Variants in CPNE5 observed in about 807,000 individuals in gnomAD.
CPNE5 encodes the protein copine-5.
In CPNE5, 42 loss-of-function variants were observed where a neutral mutation model predicts 81.1. The observed-to-expected ratio is 0.52, with a 90% CI of 0.40 to 0.67. The LOEUF (loss-of-function observed/expected upper bound fraction) is 0.67. CPNE5 is among the 30% of genes least tolerant of loss of function. CPNE5 has a pLI of 0.00. For missense variants in CPNE5, 612 were observed against 815.5 expected (o/e 0.75, Z 3.04); for synonymous variants, 313 against 321.5 (o/e 0.97, Z 0.28).
At chr6:36,764,817 G>A (rs1282966119) in intron 11 of CPNE5, among the ~76,000 whole-genome samples, 1 of 152,138 alleles carries the variant, frequency 6.6e-6, no homozygotes, top group Non-Finnish European at 1.5e-5. Context: ...TCTGCAAACA[G>A]CTCCTCTGAT....
intron 14 of CPNE5, 124 bp downstream of exon 14, chr6:36,752,910 C>A: frequency 1.3e-6 from 1 of 741,476 alleles, no homozygotes; most frequent in Non-Finnish European, 2.3e-6. Flanking sequence ...TGCTCAGAGC[C>A]CAGCACCACA....
intron 3 of CPNE5, among the ~76,000 whole-genome samples, chr6:36,807,834 T>C (rs1770735618): frequency 1.3e-5 from 2 of 152,122 alleles, no homozygotes; most frequent in Non-Finnish European, 2.9e-5. Flanking sequence ...CCAGGGTCCT[T>C]AGTACCCCAG....
intron 9 of CPNE5, among the ~76,000 whole-genome samples, chr6:36,775,593 C>T (rs377649235): frequency 1.3e-5 from 2 of 152,224 alleles, no homozygotes; most frequent in East Asian, 1.9e-4. Flanking sequence ...TTGTGACTCA[C>T]TCCTCACTAC....
intron 16 of CPNE5, 95 bp from the exon 17 acceptor site, chr6:36,745,610 C>T (rs1764067855): frequency 1.4e-6 from 2 of 1,385,106 alleles, no homozygotes; most frequent in Non-Finnish European, 2.0e-6. Flanking sequence ...GCCAGCAGGC[C>T]TGGGCTCCCC....
At chr6:36,797,929 C>G (rs1164229717) in intron 6 of CPNE5, among the ~76,000 whole-genome samples, 2 of 152,130 alleles carry the variant, frequency 1.3e-5, no homozygotes, top group East Asian at 1.9e-4. Flanking sequence ...GGTGTCTAGT[C>G]TATTTCCTCC....
Position 36,746,662 on chromosome 6 carries a change from G to A in CPNE5, c.1019-85C>T. On this transcript the variant is annotated intron_variant, in intron 15 of 20. Coordinates refer to ENST00000244751, the MANE Select transcript of CPNE5 (RefSeq NM_020939.2). The surrounding 1 kb of genome is among the most constrained non-coding windows in gnomAD (Gnocchi z 4.5). The stretch of plus-strand genomic sequence containing the variant: ...AGAATGAAGAAGGGGGTGTCCAAGG[G>A]CACCCCTAACTTTTATTAATTCTTG... 4.0e-6 allele frequency: 5 copies of A among 1,235,088 alleles called. No homozygotes were observed. Among genetic ancestry groups the A allele is most frequent in the Non-Finnish European group, 5.7e-6 (5 of 879,346 alleles). The allele number at this position is 1,235,088 out of a possible 1,614,324, so 76.5% of individuals were successfully genotyped here.
At chr6:36,836,920 G>A (rs755102576) in intron 1 of CPNE5, among the ~76,000 whole-genome samples, 8 of 151,970 alleles carry the variant, frequency 5.3e-5, no homozygotes, top group Non-Finnish European at 8.8e-5. Flanking sequence ...CCCCACCTCT[G>A]GCTTTCTGGA....
At chr6:36,822,301 G>C (rs561441424) in intron 2 of CPNE5, 141 bp from the exon 3 acceptor site, 11 of 565,544 alleles carry the variant, frequency 1.9e-5, no homozygotes, top group African/African-American at 1.9e-4. Context: ...GGGGTAGAGG[G>C]TGTCTCCTGG....
In CPNE5 at chr6:36,768,228, T is replaced by TTTTTC. The variant is rs1345522016; in HGVS notation, c.738-2853_738-2852insGAAAA. On this transcript the variant is annotated intron_variant, in intron 10 of 20. Transcript: ENST00000244751. ...TTTGACTACTCTATTCACAGTTCTT[T>TTTTTC]TTTTTTTTTTTTTTTTTTTTTTTTG... 1.1e-3 allele frequency among the ~76,000 whole-genome samples: 69 copies of TTTTTC among 64,218 alleles called. 15 individuals are homozygous for TTTTTC. The highest frequency in any genetic ancestry group is 2.1e-3 in the Non-Finnish European group (62 of 29,624). 42.1% of individuals were successfully genotyped at this position (64,218 alleles called of 152,430 possible). A position where few individuals can be genotyped will look rare whatever the true frequency, so the allele number is the denominator to read the frequency against.
chr6:36,756,124 A>T, intron 13 of CPNE5, 121 bp downstream of exon 13: 4 of 408,154 alleles, frequency 9.8e-6, no homozygotes, highest in Middle Eastern at 5.5e-4. Flanking sequence ...TCTCTCTTGG[A>T]TGTCTGATTC....
chr6:36,821,446 G>A (rs558101265), intron 3 of CPNE5, among the ~76,000 whole-genome samples: 2 of 152,174 alleles, frequency 1.3e-5, no homozygotes, highest in South Asian at 4.1e-4. Context: ...GGAATAGAGT[G>A]AGGGTGTCTA....
intron 9 of CPNE5, among the ~76,000 whole-genome samples, chr6:36,777,562 T>C (rs912569451): frequency 2.0e-5 from 3 of 152,120 alleles, no homozygotes; most frequent in Non-Finnish European, 4.4e-5. Context: ...CTCCCCAATA[T>C]GAAGTCAAGT....
intron 8 of CPNE5, among the ~76,000 whole-genome samples, chr6:36,781,264 G>T (rs543531698): frequency 6.6e-6 from 1 of 152,252 alleles, no homozygotes; most frequent in South Asian, 2.1e-4. Flanking sequence ...GGCCCTAGAA[G>T]CTCCAAGAAT....
chr6:36,798,632 T>C lies in CPNE5; in HGVS notation c.288-138A>G. On this transcript the variant is annotated intron_variant, in intron 4 of 20. Transcript: ENST00000244751. ...AGTGAATATTTCTAGGAGTAATGGT[T>C]GGAAGACATGACAGGGAGCCTTCTG... is the stretch of plus-strand genomic sequence containing the variant. The C allele has an allele frequency of 4.1e-6, 3 of 727,000 alleles. No individual in the cohort carries two copies. In the South Asian group the frequency reaches 4.8e-5, roughly 12 times the overall value. 45.0% of individuals were successfully genotyped at this position (727,000 alleles called of 1,614,324 possible).
Position 36,767,054 on chromosome 6 carries a change from C to T in CPNE5, c.738-1678G>A, listed in dbSNP as rs185407101. Among the ~76,000 whole-genome samples, 451 of 152,298 alleles carry T rather than the reference C, an allele frequency of 3.0e-3. 1 individual carries two copies. Among genetic ancestry groups the T allele is most frequent in the African/African-American group, 0.01 (424 of 41,554 alleles). ...TATTTTTAGTAGAGATGGGGTTTCACCATGTTGGCCAGGCTGGCCTCGAAC... is the reference window on the plus strand; with the variant it reads ...TATTTTTAGTAGAGATGGGGTTTCATCATGTTGGCCAGGCTGGCCTCGAAC... On this transcript the variant is annotated intron_variant, in intron 10 of 20. Transcript: ENST00000244751.
Position 36,838,923 on chromosome 6 carries a change from G to A in CPNE5, c.95+360C>T, listed in dbSNP as rs573039270. ...GGGATGGGGGCAAATCACTCACTTCGTGATTTGGGGATGGGGTGATCAGAG... is the reference window on the plus strand; with the variant it reads ...GGGATGGGGGCAAATCACTCACTTCATGATTTGGGGATGGGGTGATCAGAG... On this transcript the variant is annotated intron_variant, in intron 1 of 20. Coordinates refer to ENST00000244751, the MANE Select transcript of CPNE5 (RefSeq NM_020939.2). 272 of 161,182 alleles carry A rather than the reference G, an allele frequency of 1.7e-3. 2 individuals are homozygous for A. The highest frequency in any genetic ancestry group is 1.5e-3 in the Non-Finnish European group (114 of 76,246). 10.0% of individuals were successfully genotyped at this position (161,182 alleles called of 1,614,324 possible). A position where few individuals can be genotyped will look rare whatever the true frequency, so the allele number is the denominator to read the frequency against.
At chr6:36,751,892 G>T (rs1234781595) in intron 14 of CPNE5, among the ~76,000 whole-genome samples, 2 of 152,152 alleles carry the variant, frequency 1.3e-5, no homozygotes, top group East Asian at 3.8e-4. Flanking sequence ...GACTGTAAGG[G>T]GTGGCTGATT....
rs765487335 is a variant in CPNE5, at chr6:36,765,344, C to T, written c.770G>A (p.Arg257Gln). Residue 257 changes from arginine (R) to glutamine (Q), a missense_variant, in exon 11 of 21, where the codon CGG becomes CAG. By Grantham distance (43) the Arg-to-Gln change is conservative. Coordinates refer to ENST00000244751, the MANE Select transcript of CPNE5 (RefSeq NM_020939.2). ...CCTCCTGCCTGCTTACCTGCCGTCC[C>T]GATCCCAGTCGTACACCTCCACCTT... ...TIKVEVYDWD[R>Q]DGSHDFIGEF... 2.5e-5 allele frequency: 41 copies of T among 1,613,950 alleles called. No homozygotes were observed. The highest frequency in any genetic ancestry group is 4.5e-5 in the East Asian group (2 of 44,876).
intron 2 of CPNE5, 145 bp from the exon 3 acceptor site, chr6:36,822,305 C>A: frequency 3.7e-6 from 2 of 534,332 alleles, no homozygotes; most frequent in East Asian, 3.3e-5. Context: ...TAGAGGGTGT[C>A]TCCTGGGGTG....
Sources: gnomAD v4.1 joint callset for allele counts (sites outside exome capture counted in the v4.1 genomes callset) on GRCh38, gnomAD v4.1.1 for gene constraint, Gnocchi (gnomAD v3.1) non-coding constraint, MANE v1.5 for transcripts, NCBI Gene and HGNC (gene_info 2026-07-23, HGNC 2026-07-21) for gene names.